The following NLGN1 variants were observed in gnomAD, a reference collection of about 807,000 sequenced individuals.
The protein encoded by NLGN1 is neuroligin 1.
NLGN1 carries 12 observed loss-of-function variants against 65.5 expected under a neutral mutation model. The observed-to-expected ratio is 0.18, with a 90% CI of 0.12 to 0.30. The LOEUF is 0.30. Ranked by LOEUF, NLGN1 falls within the 10% of genes least tolerant of loss-of-function variation. The pLI, the probability that NLGN1 is intolerant of heterozygous loss-of-function variation, is 1.00. For synonymous variants in NLGN1, 350 were observed against 359.5 expected, an observed-to-expected ratio of 0.97 and a Z score of 0.30; for missense variants, 750 against 1,007.1, an observed-to-expected ratio of 0.74 and a Z score of 3.46.
chr3:173,501,644 T>G (rs1374292054), intron 2 of NLGN1, among the ~76,000 whole-genome samples: 1 of 150,124 alleles, frequency 6.7e-6, no homozygotes, highest in Non-Finnish European at 1.5e-5. Context: ...GGCAGATAAT[T>G]ATGTATAATT....
intron 2 of NLGN1, among the ~76,000 whole-genome samples, chr3:173,480,119 G>A (rs1029638020): frequency 6.6e-6 from 1 of 151,918 alleles, no homozygotes; most frequent in African/African-American, 2.4e-5. Context: ...CATTTTGCTT[G>A]TATGTGTTTA....
At chr3:173,888,742 A>C (rs1734807447) in intron 4 of NLGN1, among the ~76,000 whole-genome samples, 1 of 151,936 alleles carries the variant, frequency 6.6e-6, no homozygotes. Context: ...TTTTCCTAAC[A>C]TTATGTATTT....
At chr3:173,535,269 T>C (rs547153901) in intron 2 of NLGN1, among the ~76,000 whole-genome samples, 4 of 152,342 alleles carry the variant, frequency 2.6e-5, no homozygotes, top group African/African-American at 9.6e-5. Context: ...CTATGAAATA[T>C]AGTGTTCCTA....
intron 3 of NLGN1, among the ~76,000 whole-genome samples, chr3:173,774,555 T>A (rs537581782): frequency 4.6e-5 from 7 of 152,320 alleles, no homozygotes; most frequent in African/African-American, 1.7e-4. Context: ...CAAATAGCTG[T>A]GCTGTGGGCT....
chr3:173,689,602 A>G (rs895118570), intron 3 of NLGN1, among the ~76,000 whole-genome samples: 1 of 152,198 alleles, frequency 6.6e-6, no homozygotes, highest in Non-Finnish European at 1.5e-5. Flanking sequence ...AATTTTGACA[A>G]GATTCCTCAA....
intron 4 of NLGN1, among the ~76,000 whole-genome samples, chr3:173,872,876 G>T (rs1731424854): frequency 6.6e-6 from 1 of 151,914 alleles, no homozygotes; most frequent in Non-Finnish European, 1.5e-5. Context: ...CATTTTGACA[G>T]CTTTGTTTTT....
At chr3:173,510,969 C>T (rs538309660) in intron 2 of NLGN1, among the ~76,000 whole-genome samples, 3 of 152,198 alleles carry the variant, frequency 2.0e-5, no homozygotes, top group African/African-American at 4.8e-5. Context: ...ATCTAGGAAC[C>T]AATTCTAGCA....
chr3:174,032,604 T>G (rs1560885384), intron 4 of NLGN1, among the ~76,000 whole-genome samples: 1 of 152,116 alleles, frequency 6.6e-6, no homozygotes, highest in Non-Finnish European at 1.5e-5. Flanking sequence ...GTGAGAAAAT[T>G]CTAGGGGCTG....
chr3:173,714,772 T>C (rs1769564269), intron 3 of NLGN1, among the ~76,000 whole-genome samples: 1 of 151,974 alleles, frequency 6.6e-6, no homozygotes, highest in Non-Finnish European at 1.5e-5. Flanking sequence ...TACTCTATAG[T>C]ATTACAGGAG....
chr3:173,497,608 G>A lies in NLGN1; in HGVS notation c.-321+62530G>A, dbSNP rs536088418. On this transcript the variant is annotated intron_variant, in intron 2 of 6. Coordinates refer to ENST00000457714, the Ensembl canonical transcript of NLGN1. Reference sequence around the variant, plus strand: ...TAACAAAATAATTAAACAACCAAAAGGTAGTGTGTAAGCTACAAAAAATGT... The same window carrying A: ...TAACAAAATAATTAAACAACCAAAAAGTAGTGTGTAAGCTACAAAAAATGT... Among the ~76,000 whole-genome samples, 33 of 151,578 alleles carry A rather than the reference G, an allele frequency of 2.2e-4. 1 individual carries two copies. The South Asian group carries it at 5.0e-3, about 23-fold the overall frequency.
At chr3:173,548,517 T>C (rs7637361) in intron 2 of NLGN1, among the ~76,000 whole-genome samples, 2,363 of 151,508 alleles carry the variant, frequency 0.016, 59 homozygotes, top group African/African-American at 0.055. Context: ...GTGATGCTTC[T>C]GTAGTGGTTA....
chr3:174,232,314 G>T (rs550507765), intron 4 of NLGN1, among the ~76,000 whole-genome samples: 4 of 152,088 alleles, frequency 2.6e-5, no homozygotes, highest in Non-Finnish European at 5.9e-5. Flanking sequence ...GTGAAGGCAG[G>T]AACAGGCCAT....
intron 4 of NLGN1, among the ~76,000 whole-genome samples, chr3:173,909,887 A>T (rs2152217644): frequency 6.6e-6 from 1 of 152,246 alleles, no homozygotes; most frequent in African/African-American, 2.4e-5. Flanking sequence ...CACGTTGGTC[A>T]GGCTGGTCTC....
chr3:173,750,056 A>C (rs149281579), intron 3 of NLGN1, among the ~76,000 whole-genome samples: 109 of 152,136 alleles, frequency 7.2e-4, no homozygotes, highest in Non-Finnish European at 1.2e-3. Context: ...TCCAGCTGGA[A>C]ATTTGCAGAC....
At chr3:174,160,658 T>C in intron 4 of NLGN1, among the ~76,000 whole-genome samples, 1 of 151,036 alleles carries the variant, frequency 6.6e-6, no homozygotes, top group Admixed American at 6.6e-5. Context: ...GTCTCCTTCC[T>C]ATATAATATA....
chr3:173,902,484 T>C (rs951354873), intron 4 of NLGN1, among the ~76,000 whole-genome samples: 6 of 152,142 alleles, frequency 3.9e-5, no homozygotes, highest in African/African-American at 1.2e-4. Context: ...CAACATTTCA[T>C]GATAGTTATT....
intron 3 of NLGN1, among the ~76,000 whole-genome samples, chr3:173,787,373 T>C (rs1782155691): frequency 6.6e-6 from 1 of 152,186 alleles, no homozygotes; most frequent in Non-Finnish European, 1.5e-5. Context: ...CAAAATCAAA[T>C]GTGATTTCCA....
chr3:173,397,765 T>G (rs1023478516), upstream of NLGN1: 2 of 151,700 alleles, frequency 1.3e-5, no homozygotes, highest in African/African-American at 4.8e-5. Context: ...AAGCCGAGGA[T>G]CAGGCGGCGG....
intron 2 of NLGN1, among the ~76,000 whole-genome samples, chr3:173,473,391 A>G (rs1725624768): frequency 6.6e-6 from 1 of 152,224 alleles, no homozygotes; most frequent in African/African-American, 2.4e-5. Context: ...TTGGGTTAAA[A>G]GTAGAGATTA....
Sources: gnomAD v4.1 joint callset for allele counts (sites outside exome capture counted in the v4.1 genomes callset) on GRCh38, gnomAD v4.1.1 for gene constraint, MANE v1.5 for transcripts, NCBI Gene and HGNC (gene_info 2026-07-23, HGNC 2026-07-21) for gene names.